Variants in NIPAL1 observed in about 807,000 individuals in gnomAD.
NIPAL1 encodes the protein NIPA like domain containing 1.
A neutral mutation model predicts 37.7 loss-of-function variants in NIPAL1; 35 were observed. The ratio of observed to expected loss-of-function variants is 0.93; its 90% confidence interval spans 0.71 to 1.23. The LOEUF (loss-of-function observed/expected upper bound fraction) is 1.23. NIPAL1 is among the 50% of genes most tolerant of loss of function. The pLI is 0.00. For missense variants in NIPAL1, 412 were observed against 473.9 expected, an observed-to-expected ratio of 0.87 and a Z score of 1.21; for synonymous variants, 162 against 183.0, an observed-to-expected ratio of 0.89 and a Z score of 0.93.
chr4:48,036,067 C>T lies in NIPAL1; in HGVS notation c.1128C>T (p.Val376=), dbSNP rs773605006. 1.9e-6 allele frequency: 3 copies of T among 1,610,290 alleles called. No homozygotes were observed. The highest frequency in any genetic ancestry group is 3.4e-5 in the Admixed American group (2 of 58,476). ...ELTSTAKKEA[V]SLNVNENNYV... ...CATCCACTGCTAAGAAAGAAGCCGTCTCTCTGAATGTCAATGAAAACAATT... is the reference window on the plus strand; with the variant it reads ...CATCCACTGCTAAGAAAGAAGCCGTTTCTCTGAATGTCAATGAAAACAATT... The change falls in exon 6 of 6, where the codon GTC becomes GTT. Residue 376 remains valine, a synonymous_variant. Coordinates refer to ENST00000295461, the MANE Select transcript of NIPAL1 (RefSeq NM_207330.3).
rs1307478678 is a variant in NIPAL1, at chr4:48,016,836, G to C, written c.-4G>C. 1 of 1,580,520 alleles carries C rather than the reference G, an allele frequency of 6.3e-7. No individual in the cohort carries two copies. Among genetic ancestry groups the C allele is most frequent in the Non-Finnish European group, 8.6e-7 (1 of 1,167,536 alleles). ...CCGCGTTCCGGAAGCCCGCTCCCGG[G>C]GCCATGGGGGCACAGGTGAGGCTGC... On this transcript the variant is annotated 5_prime_UTR_variant, in exon 1 of 6. Coordinates refer to ENST00000295461, the MANE Select transcript of NIPAL1 (RefSeq NM_207330.3).
At chr4:48,020,312 CA>C (rs959014784) in intron 1 of NIPAL1, among the ~76,000 whole-genome samples, 4 of 152,158 alleles carry the variant, frequency 2.6e-5, no homozygotes, top group African/African-American at 9.7e-5. Flanking sequence ...AAAACCATGA[CA>C]GGGGACAGGG....
chr4:48,022,439 G>A (rs1328366923), intron 1 of NIPAL1, among the ~76,000 whole-genome samples: 1 of 152,216 alleles, frequency 6.6e-6, no homozygotes, highest in Non-Finnish European at 1.5e-5. Context: ...ATGCAACAGT[G>A]ATCATTTGAT....
chr4:48,017,913 C>G (rs1434558432), intron 1 of NIPAL1, among the ~76,000 whole-genome samples: 2 of 151,668 alleles, frequency 1.3e-5, no homozygotes, highest in Non-Finnish European at 2.9e-5. Flanking sequence ...CAAAGGTGCT[C>G]GCAACTTCCC....
rs1244660386 is a variant in NIPAL1 at position 48,035,954 on chromosome 4, GGGA to G, written c.1016_1018del (p.Gly339_Thr340delinsAla). The stretch of plus-strand genomic sequence containing the variant: ...TGGCATGACAGCTGGAGATATCATT[GGGA>G]CCCTGAGTGGATTCTTCACTATTAT... On this transcript the variant is annotated inframe_deletion, in exon 6 of 6. Transcript: ENST00000295461. 6.2e-7 allele frequency: 1 copy of G among 1,613,672 alleles called. No homozygotes were observed. The highest frequency in any genetic ancestry group is 8.5e-7 in the Non-Finnish European group (1 of 1,179,846).
Position 48,038,842 on chromosome 4 carries a change from C to T in NIPAL1, c.*2670C>T, listed in dbSNP as rs1347694597. 1.3e-5 allele frequency: 2 copies of T among 152,018 alleles called. No individual in the cohort carries two copies. The highest frequency in any genetic ancestry group is 4.8e-5 in the African/African-American group (2 of 41,370). 9.4% of individuals were successfully genotyped at this position (152,018 alleles called of 1,614,324 possible). On this transcript the variant is annotated 3_prime_UTR_variant, in exon 6 of 6. Coordinates refer to ENST00000295461, the MANE Select transcript of NIPAL1 (RefSeq NM_207330.3). ...GTGTTTGCCCTTGGTACGTTATGAC[C>T]AGGTCAAAGGTTCCCAAACACAAGG...
At chr4:48,020,515 T>C (rs1311480266) in intron 1 of NIPAL1, among the ~76,000 whole-genome samples, 1 of 152,202 alleles carries the variant, frequency 6.6e-6, no homozygotes, top group African/African-American at 2.4e-5. Context: ...CACCTATATG[T>C]CTCTGCTTCA....
intron 2 of NIPAL1, among the ~76,000 whole-genome samples, chr4:48,025,620 G>A (rs766532975): frequency 2.6e-4 from 40 of 152,170 alleles, no homozygotes; most frequent in Non-Finnish European, 5.4e-4. Context: ...TCTATTAGGT[G>A]CCAAACACTG....
At position 48,036,217 on chromosome 4, in the gene NIPAL1, G is replaced by A; in HGVS notation, c.*45G>A. The stretch of plus-strand genomic sequence containing the variant: ...TTTTAACCAATATGAGACACACGAA[G>A]AGGAAAATGAATGCTTGCTTCTTGG... On this transcript the variant is annotated 3_prime_UTR_variant, in exon 6 of 6. Transcript: ENST00000295461. 2 of 1,515,344 alleles carry A rather than the reference G, an allele frequency of 1.3e-6. No individual in the cohort carries two copies. The highest frequency in any genetic ancestry group is 1.4e-5 in the African/African-American group (1 of 70,310). 93.9% of individuals were successfully genotyped at this position (1,515,344 alleles called of 1,614,324 possible).
rs1186891048 is a variant in NIPAL1 at position 48,034,949 on chromosome 4, G to A, written c.530G>A (p.Ser177Asn). Residue 177 changes from serine (S) to asparagine (N), a missense_variant, in exon 5 of 6, where the codon AGT (serine) becomes AAT (asparagine). Coordinates refer to ENST00000295461, the MANE Select transcript of NIPAL1 (RefSeq NM_207330.3). The part of the protein sequence containing the change: ...NIHGKIGCIL[S>N]ILGSTVMVIH... ...CATGGGAAAATAGGCTGCATATTAA[G>A]TATATTGGGGTCAACTGTGATGGTT... 2 of 1,611,598 alleles carry A rather than the reference G, an allele frequency of 1.2e-6. No individual in the cohort carries two copies. The highest frequency in any genetic ancestry group is 1.7e-5 in the Admixed American group (1 of 59,986).
chr4:48,024,612 G>A (rs886330122), intron 1 of NIPAL1, among the ~76,000 whole-genome samples: 2 of 152,128 alleles, frequency 1.3e-5, no homozygotes, highest in African/African-American at 4.8e-5. Context: ...TTTCTAGACT[G>A]AGGTTGCTAT....
intron 1 of NIPAL1, among the ~76,000 whole-genome samples, chr4:48,022,262 T>A (rs1490598197): frequency 6.6e-6 from 1 of 152,202 alleles, no homozygotes; most frequent in Non-Finnish European, 1.5e-5. Flanking sequence ...AACCCATCCT[T>A]TCTTTCCTCT....
At chr4:48,034,380 G>A (rs1715880347) in intron 4 of NIPAL1, among the ~76,000 whole-genome samples, 1 of 151,972 alleles carries the variant, frequency 6.6e-6, no homozygotes, top group Admixed American at 6.6e-5. Context: ...TGTTGCCCAA[G>A]ACAATTCTTC....
intron 1 of NIPAL1, among the ~76,000 whole-genome samples, chr4:48,022,873 A>C (rs1434956911): frequency 6.6e-6 from 1 of 152,068 alleles, no homozygotes; most frequent in Non-Finnish European, 1.5e-5. Flanking sequence ...CTGTGGTTCC[A>C]GCTACTTGGG....
intron 4 of NIPAL1, among the ~76,000 whole-genome samples, chr4:48,034,397 G>A (rs187977828): frequency 6.6e-6 from 1 of 151,924 alleles, no homozygotes; most frequent in East Asian, 1.9e-4. Flanking sequence ...CTTCCAGTGT[G>A]GCCTAGGGAA....
In NIPAL1 at chr4:48,036,126, C is replaced by G. The variant is rs752735972; in HGVS notation, c.1187C>G (p.Pro396Arg). The G allele has an allele frequency of 2.5e-6, 4 of 1,609,112 alleles. No individual in the cohort carries two copies. In the South Asian group the frequency reaches 4.4e-5, roughly 18 times the overall value. ...VLLENLECSA[P>R]GYNDDVTLFS... ...CTAGAGAACTTGGAGTGTTCAGCCC[C>G]AGGATACAATGATGACGTTACCTTG... The change falls in exon 6 of 6, where the codon CCA becomes CGA. Residue 396 changes from proline (P) to arginine (R), a missense_variant. By Grantham distance (103) the Pro-to-Arg change is moderately radical. Coordinates refer to ENST00000295461, the MANE Select transcript of NIPAL1 (RefSeq NM_207330.3).
chr4:48,027,035 A>T lies in NIPAL1; in HGVS notation c.313+1701A>T, dbSNP rs551319407. Among the ~76,000 whole-genome samples, 38 of 147,930 alleles carry T rather than the reference A, an allele frequency of 2.6e-4. No individual in the cohort carries two copies. Among genetic ancestry groups the T allele is most frequent in the South Asian group, 8.5e-4 (4 of 4,728 alleles). Reference sequence around the variant, plus strand: ...GCCTGGCCAAAAAATGAAATAATTTAAAAAAAAAAGAAGGCTTTTCTAAGC... The same window carrying T: ...GCCTGGCCAAAAAATGAAATAATTTTAAAAAAAAAGAAGGCTTTTCTAAGC... On this transcript the variant is annotated intron_variant, in intron 2 of 5. Transcript: ENST00000295461. The surrounding 1 kb of genome is among the most constrained non-coding windows in gnomAD (Gnocchi z 4.1).
chr4:48,028,070 G>T (rs1486082139), intron 2 of NIPAL1, among the ~76,000 whole-genome samples: 1 of 152,138 alleles, frequency 6.6e-6, no homozygotes, highest in Non-Finnish European at 1.5e-5. Flanking sequence ...AAAAACTTAT[G>T]ATTTGTGGAA....
In NIPAL1 at chr4:48,027,328, G is replaced by A. The variant is rs139261336; in HGVS notation, c.313+1994G>A. Among the ~76,000 whole-genome samples the A allele has an allele frequency of 2.2e-3, 332 of 152,204 alleles. No individual in the cohort carries two copies. Among genetic ancestry groups the A allele is most frequent in the African/African-American group, 7.7e-3 (319 of 41,548 alleles). On this transcript the variant is annotated intron_variant, in intron 2 of 5. Transcript: ENST00000295461. The surrounding 1 kb of genome is among the most constrained non-coding windows in gnomAD (Gnocchi z 4.1). The stretch of plus-strand genomic sequence containing the variant: ...AAATGCAAATGACCAATAAACATAC[G>A]TAAGTAAATATTGTTTCACTAGTAC...
Sources: allele counts gnomAD v4.1 joint callset (sites outside exome capture counted in the v4.1 genomes callset), GRCh38; gene constraint gnomAD v4.1.1; non-coding constraint Gnocchi (gnomAD v3.1); transcripts MANE v1.5; gene names NCBI Gene and HGNC (gene_info 2026-07-23, HGNC 2026-07-21).